WNK3: variants seen among roughly 807,000 people sequenced by gnomAD.
The protein encoded by WNK3 is WNK lysine deficient protein kinase 3.
Under a neutral mutation model 116.7 loss-of-function variants are expected in WNK3, and 18 were observed. That is an observed-to-expected ratio of 0.15 (90% CI 0.11 to 0.23). The LOEUF (loss-of-function observed/expected upper bound fraction) is 0.23, where lower values mean the gene tolerates loss of function less well. Among genes scored for constraint, WNK3 ranks in the 10% least tolerant of loss-of-function variants. WNK3 has a pLI of 1.00. For synonymous variants in WNK3, 404 were observed against 469.4 expected (o/e 0.86, Z 1.80); for missense variants, 993 against 1,323.8 (o/e 0.75, Z 3.88).
intron 1 of WNK3, among the ~76,000 whole-genome samples, chrX:54,354,760 T>C (rs1376282551): frequency 8.9e-6 from 1 of 111,831 alleles, no homozygotes; most frequent in Non-Finnish European, 1.9e-5. Flanking sequence ...TAAAAAAAAT[T>C]AGGCCCTCTG....
intron 10 of WNK3, among the ~76,000 whole-genome samples, chrX:54,276,320 G>C (rs1030763564): frequency 2.7e-5 from 3 of 110,129 alleles, no homozygotes; most frequent in African/African-American, 1.0e-4. Context: ...AGGTGACAGA[G>C]CGAGACTCTG....
chrX:54,298,084 G>A (rs1327251836), intron 7 of WNK3, 91 bp downstream of exon 7: 1 of 663,346 alleles, frequency 1.5e-6, no homozygotes, highest in Non-Finnish European at 2.4e-6. Context: ...AAAAAAAGGA[G>A]AAAATGAGAG....
intron 2 of WNK3, among the ~76,000 whole-genome samples, chrX:54,330,658 A>T (rs1158760720): frequency 8.9e-6 from 1 of 111,777 alleles, no homozygotes; most frequent in Non-Finnish European, 1.9e-5. Context: ...TAAAAAAATT[A>T]TGTAGGCCAG....
intron 11 of WNK3, 67 bp from the exon 12 acceptor site, chrX:54,255,954 A>G: frequency 1.1e-6 from 1 of 909,052 alleles, no homozygotes; most frequent in South Asian, 2.6e-5. Flanking sequence ...AAAACTCCCA[A>G]TTATAAAACT....
intron 22 of WNK3, among the ~76,000 whole-genome samples, chrX:54,208,743 G>T (rs1557143181): frequency 1.8e-5 from 2 of 111,736 alleles, no homozygotes; most frequent in African/African-American, 6.5e-5. Context: ...GATTCACCAG[G>T]TCTCCAAGGA....
rs944577713 is a variant in WNK3 at position 54,219,670 on chromosome X, A to C, written c.4870+9044T>G. Among the ~76,000 whole-genome samples, 7 of 54,214 alleles carry C rather than the reference A, an allele frequency of 1.3e-4. No individual in the cohort carries two copies. In the South Asian group the frequency reaches 5.4e-3, roughly 42 times the overall value. The allele number at this position is 54,214 out of a possible 115,157, so 47.1% of individuals were successfully genotyped here. A position where few individuals can be genotyped will look rare whatever the true frequency, so the allele number is the denominator to read the frequency against. On this transcript the variant is annotated intron_variant, in intron 22 of 23. Transcript: ENST00000354646. ...GCAACAAAACGAGACTCCATCTCCC[A>C]AAAAAAAAAAAAAAAAAAAAAAAAA...
At chrX:54,270,335 C>A (rs956952843) in intron 10 of WNK3, among the ~76,000 whole-genome samples, 8 of 109,513 alleles carry the variant, frequency 7.3e-5, no homozygotes, top group Non-Finnish European at 1.3e-4. Flanking sequence ...GAACTCCCGA[C>A]CTCAGGCCCA....
At chrX:54,309,153 C>T in exon 4 of WNK3, 4 of 1,211,608 alleles carry the variant, frequency 3.3e-6, no homozygotes, top group Non-Finnish European at 4.5e-6. Flanking sequence ...GATCACCAAT[C>T]TTCACAGATC....
At chrX:54,195,392 G>A (rs2067433607) in exon 24 of WNK3, 1 of 111,647 alleles carries the variant, frequency 9.0e-6, no homozygotes, top group African/African-American at 3.2e-5. Context: ...TCTTTGTTAA[G>A]AAGGGAATTT....
intron 11 of WNK3, 144 bp from the exon 12 acceptor site, chrX:54,256,031 T>A: frequency 2.2e-6 from 1 of 456,615 alleles, no homozygotes; most frequent in East Asian, 4.0e-5. Flanking sequence ...CACAACTCTG[T>A]GAATATACTA....
chrX:54,287,077 A>C (rs2068589535), intron 10 of WNK3, among the ~76,000 whole-genome samples: 1 of 111,167 alleles, frequency 9.0e-6, no homozygotes, highest in Non-Finnish European at 1.9e-5. Flanking sequence ...TGGGTATGAC[A>C]CTAGAAAAGT....
intron 1 of WNK3, among the ~76,000 whole-genome samples, chrX:54,346,902 A>G (rs1557177729): frequency 8.9e-6 from 1 of 111,886 alleles, no homozygotes; most frequent in Admixed American, 9.6e-5. Context: ...GAAAACATTA[A>G]ATGATTTTCA....
chrX:54,314,024 T>C (rs1436230324), intron 2 of WNK3, among the ~76,000 whole-genome samples: 2 of 108,205 alleles, frequency 1.8e-5, no homozygotes, highest in African/African-American at 3.4e-5. Context: ...AAACCCTGTC[T>C]CTAATAAAAA....
chrX:54,318,231 G>A (rs1025854843), intron 2 of WNK3, among the ~76,000 whole-genome samples: 36 of 107,987 alleles, frequency 3.3e-4, no homozygotes, highest in African/African-American at 1.0e-4. Context: ...GTGGTGGCAC[G>A]CGCCTGTGAT....
intron 17 of WNK3, 59 bp from the exon 18 acceptor site, chrX:54,239,158 CCG>C: frequency 2.8e-6 from 2 of 708,311 alleles, no homozygotes; most frequent in Non-Finnish European, 3.8e-6. Flanking sequence ...AACAAAACAA[CCG>C]AGAAAAACCA....
chrX:54,333,890 A>G (rs1219838038), intron 1 of WNK3, 98 bp from the exon 2 acceptor site: 5 of 407,053 alleles, frequency 1.2e-5, no homozygotes, highest in African/African-American at 5.0e-5. Context: ...TTTCCTTAAT[A>G]AGAAGTTTAT....
intron 7 of WNK3, 151 bp downstream of exon 7, chrX:54,298,024 G>C: frequency 2.3e-6 from 1 of 436,772 alleles, no homozygotes; most frequent in Admixed American, 3.7e-5. Context: ...AGTGAGCCGA[G>C]ATCGCACCAC....
At chrX:54,239,046 A>G (rs782229150) in exon 18 of WNK3, 1 of 1,209,202 alleles carries the variant, frequency 8.3e-7, no homozygotes, top group South Asian at 1.8e-5. Context: ...CGCTTGACAC[A>G]GCAGCAGGAT....
intron 2 of WNK3, among the ~76,000 whole-genome samples, chrX:54,328,116 G>A: frequency 9.2e-6 from 1 of 109,271 alleles, no homozygotes; most frequent in Non-Finnish European, 1.9e-5. Context: ...CAAAAGTATG[G>A]ACATATCAAT....
Sources: allele counts gnomAD v4.1 joint callset (sites outside exome capture counted in the v4.1 genomes callset), GRCh38; gene constraint gnomAD v4.1.1; transcripts MANE v1.5; gene names NCBI Gene and HGNC (gene_info 2026-07-23, HGNC 2026-07-21).